PID1: variants seen among roughly 807,000 people sequenced by gnomAD.
PID1 encodes the protein PTB-containing, cubilin and LRP1-interacting protein.
In PID1, 10 loss-of-function variants were observed where a neutral mutation model predicts 19.1. That is an observed-to-expected ratio of 0.52 (90% CI 0.32 to 0.89). PID1 has a LOEUF of 0.89. PID1 is among the 40% of genes least tolerant of loss of function. PID1 has a pLI of 0.03. For missense variants in PID1, 248 were observed against 285.3 expected, an observed-to-expected ratio of 0.87 and a Z score of 0.94; for synonymous variants, 130 against 116.0, an observed-to-expected ratio of 1.12 and a Z score of -0.78.
chr2:229,177,252 C>G (rs1293828480), intron 1 of PID1, among the ~76,000 whole-genome samples: 1 of 152,088 alleles, frequency 6.6e-6, no homozygotes, highest in Non-Finnish European at 1.5e-5. Flanking sequence ...GGGACACAGC[C>G]AACCATATCG....
intron 1 of PID1, among the ~76,000 whole-genome samples, chr2:229,249,882 T>G (rs186034324): frequency 6.6e-6 from 1 of 152,034 alleles, no homozygotes; most frequent in East Asian, 1.9e-4. Context: ...TATTTCAAAG[T>G]TACGAAACAA....
At chr2:229,087,295 T>A (rs1694787905) in intron 2 of PID1, among the ~76,000 whole-genome samples, 1 of 152,006 alleles carries the variant, frequency 6.6e-6, no homozygotes, top group Non-Finnish European at 1.5e-5. Flanking sequence ...TTTTTAAGAG[T>A]CACTGCTAAG....
intron 2 of PID1, among the ~76,000 whole-genome samples, chr2:229,052,603 T>C (rs7591882): frequency 6.9e-4 from 105 of 152,068 alleles, no homozygotes; most frequent in African/African-American, 2.4e-3. Context: ...TTAAGACAGA[T>C]TTATGTGTTG....
At chr2:229,216,327 G>A (rs883731) in intron 1 of PID1, among the ~76,000 whole-genome samples, 49,732 of 152,090 alleles carry the variant, frequency 0.33, 9,411 homozygotes, top group East Asian at 0.67. Flanking sequence ...TTCTCCTCCC[G>A]ATTCAGAGCT....
chr2:229,180,730 G>A (rs1690921983), intron 1 of PID1, among the ~76,000 whole-genome samples: 1 of 152,186 alleles, frequency 6.6e-6, no homozygotes, highest in South Asian at 2.1e-4. Context: ...ACGGCTGATT[G>A]ACACTCAGGA....
chr2:229,188,892 C>T (rs1307471046), intron 1 of PID1, among the ~76,000 whole-genome samples: 2 of 152,126 alleles, frequency 1.3e-5, no homozygotes, highest in African/African-American at 4.8e-5. Flanking sequence ...CTTTAGTAAG[C>T]ATCTTTTTAA....
At chr2:229,151,158 A>G (rs1412267200) in intron 2 of PID1, among the ~76,000 whole-genome samples, 1 of 152,024 alleles carries the variant, frequency 6.6e-6, no homozygotes, top group African/African-American at 2.4e-5. Flanking sequence ...ATACTGACCT[A>G]TGAAAGGTGC....
intron 2 of PID1, among the ~76,000 whole-genome samples, chr2:229,065,732 A>AAC (rs58729337): frequency 2.0e-5 from 3 of 151,130 alleles, no homozygotes; most frequent in Non-Finnish European, 4.4e-5. Flanking sequence ...AAAAAAAAAA[A>AAC]CAGGTTGAAA....
At chr2:229,203,665 A>C (rs146741115) in intron 1 of PID1, among the ~76,000 whole-genome samples, 44 of 152,240 alleles carry the variant, frequency 2.9e-4, no homozygotes, top group Middle Eastern at 3.4e-3. Context: ...TATTGTATCA[A>C]AATTCAAGGG....
At chr2:229,147,966 A>G (rs1018771133) in intron 2 of PID1, among the ~76,000 whole-genome samples, 1 of 152,184 alleles carries the variant, frequency 6.6e-6, no homozygotes, top group Non-Finnish European at 1.5e-5. Flanking sequence ...ATGGGACAAC[A>G]GCTCTACTGC....
chr2:229,188,777 A>C (rs1691191689), intron 1 of PID1, among the ~76,000 whole-genome samples: 1 of 151,754 alleles, frequency 6.6e-6, no homozygotes, highest in Non-Finnish European at 1.5e-5. Flanking sequence ...AAGGAAGGTA[A>C]CACCACTCAG....
chr2:229,087,215 T>C (rs1694786089), intron 2 of PID1, among the ~76,000 whole-genome samples: 1 of 152,078 alleles, frequency 6.6e-6, no homozygotes, highest in South Asian at 2.1e-4. Flanking sequence ...TACTGACTAT[T>C]AAAAAAAGAT....
At chr2:229,114,916 C>A (rs774828689) in intron 2 of PID1, among the ~76,000 whole-genome samples, 1 of 152,128 alleles carries the variant, frequency 6.6e-6, no homozygotes, top group Admixed American at 6.5e-5. Flanking sequence ...CAATGATAGA[C>A]CTAATTTCAC....
At chr2:229,074,750 A>G (rs1247900954) in intron 2 of PID1, among the ~76,000 whole-genome samples, 2 of 152,212 alleles carry the variant, frequency 1.3e-5, no homozygotes, top group Non-Finnish European at 2.9e-5. Flanking sequence ...CATAAACTAC[A>G]TAAATAAATT....
chr2:229,071,494 T>C (rs1375685996), intron 2 of PID1, among the ~76,000 whole-genome samples: 1 of 152,236 alleles, frequency 6.6e-6, no homozygotes, highest in East Asian at 1.9e-4. Context: ...ATGAGGTAGA[T>C]ACTGTTATTA....
intron 1 of PID1, among the ~76,000 whole-genome samples, chr2:229,231,120 G>C (rs1020269344): frequency 6.6e-6 from 1 of 152,022 alleles, no homozygotes; most frequent in Non-Finnish European, 1.5e-5. Context: ...CAGGAACAGT[G>C]GCCAACACAT....
intron 1 of PID1, among the ~76,000 whole-genome samples, chr2:229,182,611 A>G (rs1166935141): frequency 6.6e-6 from 1 of 152,164 alleles, no homozygotes; most frequent in Non-Finnish European, 1.5e-5. Flanking sequence ...TTCATCTGCC[A>G]TCTGTTCCCT....
chr2:229,029,848 A>AAAG (rs1208736991), intron 2 of PID1, among the ~76,000 whole-genome samples: 3 of 151,812 alleles, frequency 2.0e-5, no homozygotes, highest in Admixed American at 6.6e-5. Flanking sequence ...TCAAAAAAAA[A>AAAG]AAAAAACAAT....
At chr2:229,085,583 G>C (rs536842179) in intron 2 of PID1, among the ~76,000 whole-genome samples, 1 of 152,158 alleles carries the variant, frequency 6.6e-6, no homozygotes, top group East Asian at 1.9e-4. Context: ...AGAAACATCA[G>C]TCAAAATGGT....
Sources: allele counts gnomAD v4.1 joint callset (sites outside exome capture counted in the v4.1 genomes callset), GRCh38; gene constraint gnomAD v4.1.1; transcripts MANE v1.5; gene names NCBI Gene and HGNC (gene_info 2026-07-23, HGNC 2026-07-21).